The following FYN variants were observed in gnomAD, a reference collection of about 807,000 sequenced individuals.
FYN encodes tyrosine-protein kinase Fyn.
In FYN, 10 loss-of-function variants were observed where a neutral mutation model predicts 70.2. The observed-to-expected ratio is 0.14, with a 90% CI of 0.09 to 0.24. The LOEUF (loss-of-function observed/expected upper bound fraction) is 0.24. Ranked by LOEUF, FYN falls within the 10% of genes least tolerant of loss-of-function variation. The probability of loss-of-function intolerance (pLI) is 1.00; values close to 1 mark genes in which losing one functional copy is unlikely to be tolerated. For missense variants in FYN, 319 were observed against 673.1 expected (o/e 0.47, Z 5.82); for synonymous variants, 236 against 248.6 (o/e 0.95, Z 0.48).
At chr6:111,766,511 A>G (rs1014719033) in intron 3 of FYN, among the ~76,000 whole-genome samples, 2 of 152,236 alleles carry the variant, frequency 1.3e-5, no homozygotes, top group African/African-American at 4.8e-5. Flanking sequence ...CTTGCTGTCT[A>G]TATTAGTCCA....
intron 3 of FYN, among the ~76,000 whole-genome samples, chr6:111,752,034 T>A (rs759780274): frequency 2.0e-5 from 3 of 152,178 alleles, no homozygotes; most frequent in Admixed American, 2.0e-4. Context: ...TATAAACAAA[T>A]ATAAGACTTT....
chr6:111,662,958 G>A (rs1797824473), intron 13 of FYN, among the ~76,000 whole-genome samples: 1 of 152,222 alleles, frequency 6.6e-6, no homozygotes, highest in Non-Finnish European at 1.5e-5. Context: ...ACTAACAGAA[G>A]ACAGATCGCT....
chr6:111,678,096 G>A (rs1819136), intron 12 of FYN, among the ~76,000 whole-genome samples: 66,500 of 146,056 alleles, frequency 0.46, 15,063 homozygotes, highest in Admixed American at 0.57. Flanking sequence ...GCCAATACAC[G>A]AAGGCCATAA....
chr6:111,867,455 C>T (rs1182350131), intron 1 of FYN, among the ~76,000 whole-genome samples: 3 of 85,868 alleles, frequency 3.5e-5, no homozygotes, highest in African/African-American at 7.2e-5. Flanking sequence ...AACTCCGTCT[C>T]GGGAAAAAAA....
intron 13 of FYN, among the ~76,000 whole-genome samples, chr6:111,668,148 C>G (rs886367929): frequency 6.6e-6 from 1 of 152,224 alleles, no homozygotes; most frequent in African/African-American, 2.4e-5. Flanking sequence ...TCAGCATGAG[C>G]CTGCGCCATC....
At chr6:111,843,673 C>T (rs1773430915) in intron 2 of FYN, among the ~76,000 whole-genome samples, 1 of 152,120 alleles carries the variant, frequency 6.6e-6, no homozygotes, top group Admixed American at 6.5e-5. Flanking sequence ...TATTAACAAG[C>T]ATGGTTTCCA....
intron 3 of FYN, among the ~76,000 whole-genome samples, chr6:111,777,414 C>G (rs1770994103): frequency 6.6e-6 from 1 of 152,092 alleles, no homozygotes; most frequent in Admixed American, 6.5e-5. Flanking sequence ...TTAAAAATTA[C>G]TTATAATCTC....
intron 1 of FYN, among the ~76,000 whole-genome samples, chr6:111,860,063 TG>T (rs2114516277): frequency 6.6e-6 from 1 of 151,268 alleles, no homozygotes; most frequent in South Asian, 2.1e-4. Context: ...CAGAGAAGCC[TG>T]GGACAGAATC....
rs145960312 is a variant in FYN, at chr6:111,661,640, C to T, written c.*99G>A. 15 of 1,115,792 alleles carry T rather than the reference C, an allele frequency of 1.3e-5. No individual in the cohort carries two copies. In the East Asian group the frequency reaches 1.9e-4, roughly 14 times the overall value. 69.1% of individuals were successfully genotyped at this position (1,115,792 alleles called of 1,614,324 possible). A position where few individuals can be genotyped will look rare whatever the true frequency, so the allele number is the denominator to read the frequency against. ...GAGTCACATGCAATCTGATCCTGGG[C>T]GGTTCCGCTGCTGGGGAGCAGCTGG... is the stretch of plus-strand genomic sequence containing the variant. On this transcript the variant is annotated 3_prime_UTR_variant, in exon 14 of 14. Coordinates refer to ENST00000354650, the MANE Select transcript of FYN (RefSeq NM_002037.5). The surrounding 1 kb of genome is among the most constrained non-coding windows in gnomAD (Gnocchi z 4.0).
intron 6 of FYN, among the ~76,000 whole-genome samples, chr6:111,704,470 T>C (rs1799977762): frequency 2.0e-5 from 3 of 152,196 alleles, no homozygotes; most frequent in African/African-American, 7.2e-5. Flanking sequence ...TAAAAGACTC[T>C]AGTCTGGGCA....
chr6:111,812,052 T>C (rs1017794990), intron 2 of FYN, among the ~76,000 whole-genome samples: 1 of 152,202 alleles, frequency 6.6e-6, no homozygotes. Flanking sequence ...AACACTTACA[T>C]GGAACTGTAG....
chr6:111,847,086 T>C (rs571919128), intron 1 of FYN, among the ~76,000 whole-genome samples: 1 of 152,314 alleles, frequency 6.6e-6, no homozygotes, highest in Non-Finnish European at 1.5e-5. Context: ...CCACTTCCTA[T>C]CTGACTGTGG....
chr6:111,815,014 T>G (rs1406125833), intron 2 of FYN, among the ~76,000 whole-genome samples: 5 of 152,240 alleles, frequency 3.3e-5, no homozygotes, highest in Non-Finnish European at 7.3e-5. Context: ...TAAAAAGATT[T>G]CCTAATAGAC....
intron 2 of FYN, among the ~76,000 whole-genome samples, 156 bp from the exon 3 acceptor site, chr6:111,780,791 C>T (rs569117229): frequency 8.5e-5 from 13 of 152,258 alleles, no homozygotes; most frequent in African/African-American, 3.1e-4. Context: ...CTGTTTTTCC[C>T]AGGAAGATGA....
chr6:111,734,201 C>T (rs1306809891), intron 3 of FYN, among the ~76,000 whole-genome samples: 2 of 152,152 alleles, frequency 1.3e-5, no homozygotes, highest in Non-Finnish European at 2.9e-5. Context: ...ACACATTGAG[C>T]AGAACCACTG....
chr6:111,730,201 G>A (rs6909858), intron 3 of FYN, among the ~76,000 whole-genome samples: 1,757 of 152,234 alleles, frequency 0.012, 42 homozygotes, highest in African/African-American at 0.04. Flanking sequence ...GGGAGTGGGC[G>A]GTGAGTGCAC....
chr6:111,847,785 A>G (rs970801904), intron 1 of FYN, among the ~76,000 whole-genome samples: 3 of 152,244 alleles, frequency 2.0e-5, no homozygotes, highest in African/African-American at 7.2e-5. Context: ...CATGAGGAAG[A>G]GAATTTGAAA....
chr6:111,669,651 T>A (rs1458692800), intron 13 of FYN, among the ~76,000 whole-genome samples: 1 of 151,992 alleles, frequency 6.6e-6, no homozygotes, highest in African/African-American at 2.4e-5. Flanking sequence ...AAAATATATA[T>A]CCATGTGTGA....
rs534453278 is a variant in FYN, at chr6:111,771,137, T to C, written c.-12+9429A>G. On this transcript the variant is annotated intron_variant, in intron 3 of 13. Coordinates refer to ENST00000354650, the MANE Select transcript of FYN (RefSeq NM_002037.5). The stretch of plus-strand genomic sequence containing the variant: ...AAGTAGAATGACCAACAGAGATCTT[T>C]AGCCTCTGCCTGGACCCATCTGGAG... Among the ~76,000 whole-genome samples the C allele has an allele frequency of 3.1e-4, 47 of 152,272 alleles. 1 individual carries two copies. The highest frequency in any genetic ancestry group is 1.1e-3 in the African/African-American group (47 of 41,564).
Sources: allele counts gnomAD v4.1 joint callset (sites outside exome capture counted in the v4.1 genomes callset), GRCh38; gene constraint gnomAD v4.1.1; non-coding constraint Gnocchi (gnomAD v3.1); transcripts MANE v1.5; gene names NCBI Gene and HGNC (gene_info 2026-07-23, HGNC 2026-07-21).